The following UNC13C variants were observed in gnomAD, a reference collection of about 807,000 sequenced individuals.
UNC13C encodes protein unc-13 homolog C.
Under a neutral mutation model 245.4 loss-of-function variants are expected in UNC13C, and 174 were observed. The observed-to-expected ratio is 0.71, with a 90% CI of 0.63 to 0.80. The LOEUF (loss-of-function observed/expected upper bound fraction) is 0.80, where lower values mean the gene tolerates loss of function less well. UNC13C is among the 30% of genes least tolerant of loss of function. The pLI, the probability that UNC13C is intolerant of heterozygous loss-of-function variation, is 0.00. For missense variants in UNC13C, 2,829 were observed against 2,602.9 expected (o/e 1.09, Z -1.89); for synonymous variants, 992 against 895.1 (o/e 1.11, Z -1.93).
intron 18 of UNC13C, among the ~76,000 whole-genome samples, chr15:54,413,709 A>G (rs998860872): frequency 5.9e-5 from 9 of 152,198 alleles, no homozygotes; most frequent in Non-Finnish European, 1.3e-4. Context: ...TGATGAAAAT[A>G]TGGACTAGAG....
At chr15:54,380,213 G>T (rs992303957) in intron 17 of UNC13C, among the ~76,000 whole-genome samples, 1 of 149,132 alleles carries the variant, frequency 6.7e-6, no homozygotes, top group African/African-American at 2.5e-5. Context: ...AACTTTTTTA[G>T]GTTCCATACA....
At chr15:54,024,914 CAAAAAAT>C (rs1000450477) in intron 2 of UNC13C, among the ~76,000 whole-genome samples, 4 of 143,850 alleles carry the variant, frequency 2.8e-5, no homozygotes, top group Non-Finnish European at 4.6e-5. Flanking sequence ...AACTCCGTCT[CAAAAAAT>C]AAAAAATAAA....
chr15:53,987,822 C>G (rs998131962), intron 1 of UNC13C, among the ~76,000 whole-genome samples: 11 of 152,030 alleles, frequency 7.2e-5, no homozygotes, highest in Non-Finnish European at 1.6e-4. Flanking sequence ...TGTCTCTGTT[C>G]TTTCCTGATT....
chr15:54,075,293 G>T (rs905349580), intron 2 of UNC13C, among the ~76,000 whole-genome samples: 4 of 152,058 alleles, frequency 2.6e-5, no homozygotes, highest in East Asian at 1.9e-4. Flanking sequence ...AGACCACCCT[G>T]GCTAACACGG....
chr15:54,418,490 G>A (rs978089874), intron 19 of UNC13C, among the ~76,000 whole-genome samples: 6 of 152,050 alleles, frequency 3.9e-5, no homozygotes, highest in Admixed American at 2.6e-4. Context: ...GTTTCTTCCC[G>A]CACCCTGTCT....
chr15:54,328,896 T>A (rs1055835162), intron 14 of UNC13C, among the ~76,000 whole-genome samples: 3 of 152,070 alleles, frequency 2.0e-5, no homozygotes, highest in African/African-American at 7.2e-5. Context: ...CATCCATAAA[T>A]CAAGTTTCAC....
chr15:54,502,326 A>G (rs1894256618), intron 22 of UNC13C, among the ~76,000 whole-genome samples: 1 of 152,204 alleles, frequency 6.6e-6, no homozygotes, highest in Non-Finnish European at 1.5e-5. Context: ...AAAGAGGCCC[A>G]GAATATAGAT....
At chr15:53,881,044 C>G in the UNC13C span, among the ~76,000 whole-genome samples, 3 of 152,094 alleles carry the variant, frequency 2.0e-5, no homozygotes, top group Admixed American at 1.3e-4. Context: ...GCATCACAGT[C>G]TGAGCCAAGT....
intron 4 of UNC13C, among the ~76,000 whole-genome samples, chr15:54,152,621 G>A (rs984444439): frequency 5.3e-5 from 8 of 152,082 alleles, no homozygotes; most frequent in Non-Finnish European, 1.2e-4. Context: ...TGTTTGAGTC[G>A]TCAGTCTTAA....
chr15:54,414,272 A>G (rs537990008), intron 18 of UNC13C, among the ~76,000 whole-genome samples: 1 of 152,226 alleles, frequency 6.6e-6, no homozygotes, highest in Non-Finnish European at 1.5e-5. Context: ...GCTGAGGGAC[A>G]TATATGAGGT....
chr15:54,294,254 A>C (rs541080681), intron 11 of UNC13C, among the ~76,000 whole-genome samples, 190 bp downstream of exon 11: 4 of 152,218 alleles, frequency 2.6e-5, no homozygotes, highest in Non-Finnish European at 5.9e-5. Flanking sequence ...GACTTTGGTA[A>C]ATTTGAGGTG....
chr15:54,116,713 A>G (rs952179348), intron 2 of UNC13C, among the ~76,000 whole-genome samples: 1 of 152,166 alleles, frequency 6.6e-6, no homozygotes, highest in African/African-American at 2.4e-5. Flanking sequence ...CATGTTGGCT[A>G]TTGTAAATAG....
intron 19 of UNC13C, among the ~76,000 whole-genome samples, chr15:54,473,502 A>G (rs938683036): frequency 2.0e-5 from 3 of 151,606 alleles, no homozygotes; most frequent in African/African-American, 7.2e-5. Flanking sequence ...ACCTCTCTTG[A>G]TTCTCTCCTC....
At chr15:54,400,702 G>T (rs972169906) in intron 18 of UNC13C, among the ~76,000 whole-genome samples, 7 of 152,070 alleles carry the variant, frequency 4.6e-5, no homozygotes, top group African/African-American at 1.2e-4. Flanking sequence ...ATTTATTTAT[G>T]ATCACTTCAG....
chr15:54,596,663 G>T (rs1172574803), intron 30 of UNC13C, among the ~76,000 whole-genome samples: 1 of 152,186 alleles, frequency 6.6e-6, no homozygotes, highest in Non-Finnish European at 1.5e-5. Context: ...TTGGAGGTGG[G>T]ATCTAGTGGG....
intron 8 of UNC13C, among the ~76,000 whole-genome samples, chr15:54,262,199 A>G (rs1643032370): frequency 6.6e-6 from 1 of 152,198 alleles, no homozygotes; most frequent in Non-Finnish European, 1.5e-5. Context: ...CTCTTCCTGA[A>G]TTTAGAAAAA....
the UNC13C span, among the ~76,000 whole-genome samples, chr15:53,928,920 C>T: frequency 9.2e-5 from 14 of 152,164 alleles, no homozygotes; most frequent in Non-Finnish European, 4.4e-5. Context: ...GCCTTGAAGA[C>T]AGTGGTGATG....
At chr15:53,918,725 A>G in the UNC13C span, among the ~76,000 whole-genome samples, 1 of 152,208 alleles carries the variant, frequency 6.6e-6, no homozygotes, top group South Asian at 2.1e-4. Context: ...GGCAAAGACA[A>G]GTGGTAAAGT....
intron 1 of UNC13C, among the ~76,000 whole-genome samples, chr15:53,997,998 T>C: frequency 6.6e-6 from 1 of 152,064 alleles, no homozygotes; most frequent in East Asian, 1.9e-4. Context: ...AGACAAGGTT[T>C]CGTCATGTTG....
Sources: gnomAD v4.1 joint callset for allele counts (sites outside exome capture counted in the v4.1 genomes callset) on GRCh38, gnomAD v4.1.1 for gene constraint, MANE v1.5 for transcripts, NCBI Gene and HGNC (gene_info 2026-07-23, HGNC 2026-07-21) for gene names.